Variants in PGCKA1 observed in about 807,000 individuals in gnomAD.
The protein encoded by PGCKA1 is PDCD10 and GCKIII kinases associated 1.
the PGCKA1 span, among the ~76,000 whole-genome samples, chr4:37,568,181 C>G: frequency 6.6e-6 from 1 of 152,232 alleles, no homozygotes; most frequent in Non-Finnish European, 1.5e-5. Flanking sequence ...AGAGAGGCAG[C>G]CCTTCTAGTG....
chr4:37,537,835 G>C, the PGCKA1 span, among the ~76,000 whole-genome samples: 1 of 152,172 alleles, frequency 6.6e-6, no homozygotes, highest in East Asian at 1.9e-4. Context: ...CCTTATGCAA[G>C]TTATTTAGGC....
chr4:37,590,313 G>A, the PGCKA1 span: 11 of 1,613,702 alleles, frequency 6.8e-6, no homozygotes, highest in South Asian at 9.9e-5. Flanking sequence ...CGCTCCCACA[G>A]GGGGACGCTG....
At chr4:37,571,355 C>CATTTTT in the PGCKA1 span, among the ~76,000 whole-genome samples, 3 of 78,036 alleles carry the variant, frequency 3.8e-5, no homozygotes, top group African/African-American at 5.8e-5. Flanking sequence ...GACTATTATC[C>CATTTTT]TTTTTTTTTT....
chr4:37,566,305 C>T, the PGCKA1 span, among the ~76,000 whole-genome samples: 524 of 151,524 alleles, frequency 3.5e-3, 3 homozygotes, highest in African/African-American at 0.011. Flanking sequence ...TTTTGAGACA[C>T]AGTCTTACTC....
At chr4:37,568,140 A>T in the PGCKA1 span, among the ~76,000 whole-genome samples, 1 of 152,186 alleles carries the variant, frequency 6.6e-6, no homozygotes, top group Non-Finnish European at 1.5e-5. Flanking sequence ...TCAGGTGCAC[A>T]GGGCCGGCAA....
the PGCKA1 span, among the ~76,000 whole-genome samples, chr4:37,477,180 G>C: frequency 6.6e-6 from 1 of 152,112 alleles, no homozygotes; most frequent in Non-Finnish European, 1.5e-5. Flanking sequence ...AATAATACGT[G>C]ATACATCCAT....
chr4:37,557,262 T>G, the PGCKA1 span, among the ~76,000 whole-genome samples: 1 of 152,264 alleles, frequency 6.6e-6, no homozygotes, highest in Non-Finnish European at 1.5e-5. Context: ...TTTTTGTTGT[T>G]GTTTTGTTTT....
the PGCKA1 span, among the ~76,000 whole-genome samples, chr4:37,479,161 C>T: frequency 6.9e-3 from 1,049 of 152,284 alleles, 6 homozygotes; most frequent in Non-Finnish European, 0.011. Context: ...TCTTTCAAGT[C>T]TTTTCTGGGT....
chr4:37,521,605 G>A, the PGCKA1 span, among the ~76,000 whole-genome samples: 13 of 152,184 alleles, frequency 8.5e-5, no homozygotes, highest in Admixed American at 2.0e-4. Context: ...ATGACCTAAC[G>A]TATGGTCTAT....
At chr4:37,463,558 T>TA in the PGCKA1 span, among the ~76,000 whole-genome samples, 2 of 152,144 alleles carry the variant, frequency 1.3e-5, no homozygotes, top group South Asian at 4.1e-4. Context: ...CCCCCTGCTG[T>TA]AAAATGAGTT....
the PGCKA1 span, among the ~76,000 whole-genome samples, chr4:37,567,701 T>TC: frequency 6.6e-6 from 1 of 152,068 alleles, no homozygotes; most frequent in Non-Finnish European, 1.5e-5. Context: ...CTATACGCTC[T>TC]CCCAGGGAGC....
chr4:37,489,086 C>T, the PGCKA1 span, among the ~76,000 whole-genome samples: 2 of 152,082 alleles, frequency 1.3e-5, no homozygotes, highest in Admixed American at 6.5e-5. Flanking sequence ...GGAAGATTGC[C>T]GGGGCTTAGG....
the PGCKA1 span, among the ~76,000 whole-genome samples, chr4:37,572,832 C>T: frequency 5.3e-5 from 8 of 152,258 alleles, no homozygotes; most frequent in Middle Eastern, 3.4e-3. Context: ...CACATGAAGT[C>T]AAGTGTGGTA....
chr4:37,511,556 G>T, the PGCKA1 span, among the ~76,000 whole-genome samples: 2 of 149,148 alleles, frequency 1.3e-5, no homozygotes, highest in Non-Finnish European at 3.0e-5. Context: ...ATCATACTGT[G>T]GCTGAGCTGC....
At chr4:37,564,280 A>C in the PGCKA1 span, among the ~76,000 whole-genome samples, 1 of 136,524 alleles carries the variant, frequency 7.3e-6, no homozygotes, top group African/African-American at 2.6e-5. Flanking sequence ...GTCTCAAAAA[A>C]AAAAAAAAAA....
the PGCKA1 span, among the ~76,000 whole-genome samples, chr4:37,580,346 C>A: frequency 7.4e-6 from 1 of 135,264 alleles, no homozygotes; most frequent in African/African-American, 3.0e-5. Flanking sequence ...TTTGTGGATG[C>A]TCACTGGTGT....
chr4:37,484,530 G>A, the PGCKA1 span, among the ~76,000 whole-genome samples: 5 of 152,174 alleles, frequency 3.3e-5, no homozygotes, highest in South Asian at 1.0e-3. Flanking sequence ...CCTTTGTGGG[G>A]AGCATATCAT....
the PGCKA1 span, among the ~76,000 whole-genome samples, chr4:37,504,735 C>T: frequency 1.8e-3 from 269 of 152,232 alleles, no homozygotes; most frequent in Middle Eastern, 3.4e-3. Flanking sequence ...TCACCGTTGG[C>T]ACACAGAAAT....
the PGCKA1 span, among the ~76,000 whole-genome samples, chr4:37,523,819 T>C: frequency 6.6e-6 from 1 of 152,284 alleles, no homozygotes; most frequent in South Asian, 2.1e-4. Flanking sequence ...TTCCCAGTTA[T>C]GTCCTCACAT....
Sources: gnomAD v4.1 joint callset for allele counts (sites outside exome capture counted in the v4.1 genomes callset) on GRCh38, gnomAD v4.1.1 for gene constraint, MANE v1.5 for transcripts, NCBI Gene and HGNC (gene_info 2026-07-23, HGNC 2026-07-21) for gene names.